Variants in STK3 observed in about 807,000 individuals in gnomAD.
STK3 encodes serine/threonine kinase 3.
STK3 carries 41 observed loss-of-function variants against 58.0 expected under a neutral mutation model. That is an observed-to-expected ratio of 0.71 (90% CI 0.55 to 0.92). STK3 has a LOEUF of 0.92. STK3 is among the 40% of genes least tolerant of loss of function. The probability of loss-of-function intolerance (pLI) is 0.00; values close to 1 mark genes in which losing one functional copy is unlikely to be tolerated. For synonymous variants in STK3, 170 were observed against 191.0 expected (o/e 0.89, Z 0.91); for missense variants, 479 against 602.7 (o/e 0.79, Z 2.15).
At chr8:98,382,097 A>G (rs1220585981) in intron 1 of STK3, among the ~76,000 whole-genome samples, 1 of 151,692 alleles carries the variant, frequency 6.6e-6, no homozygotes, top group Non-Finnish European at 1.5e-5. Context: ...TTGGGGACCT[A>G]GGAGGTGGTG....
At chr8:98,762,848 G>T (rs1830718103) in intron 3 of STK3, among the ~76,000 whole-genome samples, 1 of 152,146 alleles carries the variant, frequency 6.6e-6, no homozygotes, top group African/African-American at 2.4e-5. Context: ...GCTTCACTTT[G>T]AACTGTTGGA....
At chr8:98,597,675 C>T in intron 6 of STK3, 5 of 985,360 alleles carry the variant, frequency 5.1e-6, no homozygotes, top group Non-Finnish European at 6.0e-6. Flanking sequence ...ATATGTTCTT[C>T]CTTTTGCGTG....
chr8:98,383,447 T>A (rs1203829186), intron 1 of STK3, among the ~76,000 whole-genome samples: 1 of 152,204 alleles, frequency 6.6e-6, no homozygotes, highest in Non-Finnish European at 1.5e-5. Flanking sequence ...GGTGCATGTC[T>A]GTCTGAGGGA....
chr8:98,764,138 T>A (rs1830798910), intron 3 of STK3, among the ~76,000 whole-genome samples: 1 of 152,238 alleles, frequency 6.6e-6, no homozygotes, highest in Admixed American at 6.5e-5. Flanking sequence ...TTTATTTCAT[T>A]CAACAAATAT....
At chr8:98,910,497 G>A (rs1839086452) in intron 1 of STK3, among the ~76,000 whole-genome samples, 1 of 152,122 alleles carries the variant, frequency 6.6e-6, no homozygotes, top group South Asian at 2.1e-4. Context: ...ACAAAATATT[G>A]AGAAGGAAAC....
At chr8:98,504,840 A>T (rs1404386528) in intron 10 of STK3, among the ~76,000 whole-genome samples, 2 of 151,948 alleles carry the variant, frequency 1.3e-5, no homozygotes, top group Non-Finnish European at 2.9e-5. Context: ...CTTCATTTCA[A>T]CCTTGGTGAA....
At chr8:98,422,938 TA>T (rs1222112621) in intron 3 of STK3, among the ~76,000 whole-genome samples, 1 of 152,176 alleles carries the variant, frequency 6.6e-6, no homozygotes, top group Non-Finnish European at 1.5e-5. Context: ...CCAAGGCATC[TA>T]GGAGGATTGG....
chr8:98,762,889 C>T (rs1830721497), intron 3 of STK3, among the ~76,000 whole-genome samples: 1 of 152,180 alleles, frequency 6.6e-6, no homozygotes, highest in African/African-American at 2.4e-5. Flanking sequence ...TTCTTCAACA[C>T]TGGCCCTGAA....
chr8:98,392,184 T>G (rs536808576), upstream of STK3, among the ~76,000 whole-genome samples: 8 of 152,362 alleles, frequency 5.3e-5, no homozygotes, highest in African/African-American at 1.9e-4. Context: ...TGCAGTTCTG[T>G]GATAGTCGTT....
intron 6 of STK3, among the ~76,000 whole-genome samples, chr8:98,622,383 A>T (rs1222765534): frequency 1.3e-5 from 2 of 152,208 alleles, no homozygotes; most frequent in Non-Finnish European, 2.9e-5. Context: ...AAACATAAGG[A>T]TGTATATTAC....
At chr8:98,906,885 C>T (rs1298119009) in intron 1 of STK3, among the ~76,000 whole-genome samples, 5 of 151,730 alleles carry the variant, frequency 3.3e-5, no homozygotes, top group African/African-American at 7.3e-5. Context: ...TGGAGGCTCA[C>T]GCCTGTAATC....
intron 6 of STK3, among the ~76,000 whole-genome samples, chr8:98,630,484 A>C (rs1819099132): frequency 6.6e-6 from 1 of 152,058 alleles, no homozygotes; most frequent in Non-Finnish European, 1.5e-5. Context: ...TCCACAAAAA[A>C]ATTTTAAAAA....
rs554087941 is a variant in STK3 at position 98,866,082 on chromosome 8, G to A, written c.110+17565C>T. Among the ~76,000 whole-genome samples, 9 of 152,332 alleles carry A rather than the reference G, an allele frequency of 5.9e-5. No homozygotes were observed. The South Asian group carries it at 1.4e-3, about 25-fold the overall frequency. On this transcript the variant is annotated intron_variant, in intron 3 of 12. Coordinates refer to the STK3 transcript ENST00000523601. ...CCCTATCTACACCCTACAGTTTTTA[G>A]ACCATCATGCTCAGATCTCTCAGGC...
chr8:98,880,787 A>C (rs1316042347), downstream of STK3: 1 of 152,236 alleles, frequency 6.6e-6, no homozygotes, highest in African/African-American at 2.4e-5. Context: ...AAACTACTAC[A>C]CACCTATTTA....
At chr8:98,708,394 G>A (rs919374995) in intron 4 of STK3, among the ~76,000 whole-genome samples, 2 of 152,108 alleles carry the variant, frequency 1.3e-5, no homozygotes, top group Non-Finnish European at 2.9e-5. Context: ...TGAATCTTCT[G>A]CGAGAAGCTC....
chr8:98,905,102 A>G lies in STK3; in HGVS notation c.-78-21268T>C, dbSNP rs572123563. 1.2e-4 allele frequency: 166 copies of G among 1,429,194 alleles called. 1 individual carries two copies. The Middle Eastern group carries it at 1.7e-3, about 15-fold the overall frequency. The allele number at this position is 1,429,194 out of a possible 1,614,324, so 88.5% of individuals were successfully genotyped here. On this transcript the variant is annotated intron_variant, in intron 1 of 1. Transcript: ENST00000519420. ...CTGCATATTGTTCATTACACTGCTC[A>G]GTAAAGTCTGCCACACGACCCGTAC...
At chr8:98,418,468 T>C (rs1210910406) in intron 3 of STK3, among the ~76,000 whole-genome samples, 2 of 151,916 alleles carry the variant, frequency 1.3e-5, no homozygotes, top group Non-Finnish European at 2.9e-5. Flanking sequence ...GATAGGTACG[T>C]GGGTGGATGG....
chr8:98,876,249 A>G (rs1216250962), intron 3 of STK3, among the ~76,000 whole-genome samples: 1 of 152,216 alleles, frequency 6.6e-6, no homozygotes, highest in African/African-American at 2.4e-5. Flanking sequence ...TTGGGGAAGG[A>G]AAAGCCTTTT....
At chr8:98,778,788 C>T (rs567180125) in intron 1 of STK3, 1 of 152,016 alleles carries the variant, frequency 6.6e-6, no homozygotes, top group African/African-American at 2.4e-5. Flanking sequence ...GGACAAAAAA[C>T]CAAACACCGC....
Sources: allele counts gnomAD v4.1 joint callset (sites outside exome capture counted in the v4.1 genomes callset), GRCh38; gene constraint gnomAD v4.1.1; transcripts MANE v1.5; gene names NCBI Gene and HGNC (gene_info 2026-07-23, HGNC 2026-07-21).